The following PACRG variants were observed in gnomAD, a reference collection of about 807,000 sequenced individuals.
The protein encoded by PACRG is parkin coregulated gene protein.
PACRG carries 29 observed loss-of-function variants against 29.7 expected under a neutral mutation model. The observed-to-expected ratio is 0.98, with a 90% CI of 0.73 to 1.33. The LOEUF (loss-of-function observed/expected upper bound fraction) is 1.33. PACRG is among the 40% of genes most tolerant of loss of function. The pLI, the probability that PACRG is intolerant of heterozygous loss-of-function variation, is 0.00. For synonymous variants in PACRG, 116 were observed against 118.7 expected, an observed-to-expected ratio of 0.98 and a Z score of 0.15; for missense variants, 279 against 316.2, an observed-to-expected ratio of 0.88 and a Z score of 0.89.
At chr6:162,873,044 C>T (rs1199726163) in intron 2 of PACRG, among the ~76,000 whole-genome samples, 1 of 152,172 alleles carries the variant, frequency 6.6e-6, no homozygotes, top group African/African-American at 2.4e-5. Context: ...ATTTACAGTG[C>T]ACATGTAAGC....
At chr6:162,785,146 A>G (rs1171250800) in intron 1 of PACRG, among the ~76,000 whole-genome samples, 1 of 147,820 alleles carries the variant, frequency 6.8e-6, no homozygotes, top group African/African-American at 2.6e-5. Flanking sequence ...TACATTGACA[A>G]AGAAAGAGAG....
At chr6:163,228,378 GCAAAAAAAAA>G (rs1383570431) in intron 4 of PACRG, among the ~76,000 whole-genome samples, 1 of 29,324 alleles carries the variant, frequency 3.4e-5, no homozygotes. Context: ...CTTTAAGCAG[GCAAAAAAAAA>G]AAAAAAAAAA....
At chr6:163,168,558 A>AAATAACAAC (rs1554377020) in intron 4 of PACRG, among the ~76,000 whole-genome samples, 1 of 151,564 alleles carries the variant, frequency 6.6e-6, no homozygotes, top group African/African-American at 2.4e-5. Context: ...TATTCTAATA[A>AAATAACAAC]AACAACAACA....
At chr6:163,298,998 G>A (rs1284393359) in intron 4 of PACRG, among the ~76,000 whole-genome samples, 1 of 152,104 alleles carries the variant, frequency 6.6e-6, no homozygotes, top group Non-Finnish European at 1.5e-5. Flanking sequence ...TCCTTGCCAG[G>A]ACTTCTCACT....
intron 4 of PACRG, chr6:163,187,730 G>A (rs1176198689): frequency 6.6e-6 from 1 of 152,372 alleles, no homozygotes; most frequent in Admixed American, 6.5e-5. Flanking sequence ...CTTCTCTGGG[G>A]AGGAACCCCA....
At chr6:163,104,923 C>T (rs1815298644) in intron 4 of PACRG, among the ~76,000 whole-genome samples, 1 of 152,078 alleles carries the variant, frequency 6.6e-6, no homozygotes, top group Non-Finnish European at 1.5e-5. Flanking sequence ...TTCTCCTAGT[C>T]TTAACAATAA....
chr6:163,090,841 C>T (rs549592231), intron 4 of PACRG, among the ~76,000 whole-genome samples: 1 of 152,310 alleles, frequency 6.6e-6, no homozygotes, highest in Non-Finnish European at 1.5e-5. Flanking sequence ...GGAACAGCCA[C>T]CCCCAAATGT....
At chr6:162,793,250 C>G (rs546596017) in intron 1 of PACRG, among the ~76,000 whole-genome samples, 1 of 152,288 alleles carries the variant, frequency 6.6e-6, no homozygotes, top group East Asian at 1.9e-4. Flanking sequence ...TGAACATTCT[C>G]ATAAACATAA....
At chr6:163,017,154 A>G (rs1806187286) in intron 2 of PACRG, among the ~76,000 whole-genome samples, 1 of 152,164 alleles carries the variant, frequency 6.6e-6, no homozygotes, top group South Asian at 2.1e-4. Flanking sequence ...AATAAGATGG[A>G]AAACATTGTA....
chr6:163,294,708 G>T (rs571886931), intron 4 of PACRG, among the ~76,000 whole-genome samples: 2 of 152,130 alleles, frequency 1.3e-5, no homozygotes, highest in Admixed American at 6.5e-5. Context: ...TAATTTCACA[G>T]ATAACTTGAA....
intron 4 of PACRG, among the ~76,000 whole-genome samples, chr6:163,167,346 C>T (rs1176241389): frequency 1.3e-5 from 2 of 152,102 alleles, no homozygotes; most frequent in African/African-American, 2.4e-5. Context: ...GCAGTTTGAT[C>T]GCCTCCAGAA....
At chr6:163,307,600 A>C (rs1378139650) in intron 4 of PACRG, among the ~76,000 whole-genome samples, 1 of 152,224 alleles carries the variant, frequency 6.6e-6, no homozygotes, top group Non-Finnish European at 1.5e-5. Flanking sequence ...TCGGTTTCCA[A>C]GAGAACATGA....
At chr6:163,178,243 G>C (rs114281779) in intron 4 of PACRG, among the ~76,000 whole-genome samples, 2 of 152,148 alleles carry the variant, frequency 1.3e-5, no homozygotes, top group Non-Finnish European at 2.9e-5. Flanking sequence ...TCATGAGCAC[G>C]CCCCATGCAA....
chr6:163,257,644 C>A (rs1157724071), intron 4 of PACRG, among the ~76,000 whole-genome samples: 1 of 152,170 alleles, frequency 6.6e-6, no homozygotes, highest in Non-Finnish European at 1.5e-5. Context: ...TTGCTTGAGA[C>A]AATATTTTCC....
Position 163,232,518 on chromosome 6 carries a change from G to A in PACRG, c.614-82309G>A, listed in dbSNP as rs141391888. On this transcript the variant is annotated intron_variant, in intron 4 of 4. Coordinates refer to ENST00000366888, the MANE Select transcript of PACRG (RefSeq NM_001080379.2). ...GAAGAAGGCAGTGCAGTAAGGGAAG[G>A]GAAAGGTGGGAAGGTGTGGAAATAA... Among the ~76,000 whole-genome samples, 618 of 152,300 alleles carry A rather than the reference G, an allele frequency of 4.1e-3. 2 individuals carry two copies. The highest frequency in any genetic ancestry group is 0.014 in the African/African-American group (586 of 41,572).
intron 4 of PACRG, among the ~76,000 whole-genome samples, chr6:163,173,407 C>T (rs892844876): frequency 6.6e-6 from 1 of 152,184 alleles, no homozygotes; most frequent in Non-Finnish European, 1.5e-5. Flanking sequence ...AGACCTTCCA[C>T]ACCTGATCTC....
At chr6:163,087,676 G>A (rs1304636477) in intron 3 of PACRG, among the ~76,000 whole-genome samples, 2 of 150,782 alleles carry the variant, frequency 1.3e-5, no homozygotes, top group African/African-American at 2.4e-5. Context: ...TGAGGATGGA[G>A]GCCAGGACCA....
At position 162,865,302 on chromosome 6, in the gene PACRG, T is replaced by C. The variant is rs117631937; in HGVS notation, c.291+51021T>C. Among the ~76,000 whole-genome samples the C allele has an allele frequency of 1.1e-3, 162 of 152,328 alleles. 2 individuals carry two copies. The East Asian group carries it at 0.027, about 25-fold the overall frequency. On this transcript the variant is annotated intron_variant, in intron 2 of 4. Coordinates refer to ENST00000366888, the MANE Select transcript of PACRG (RefSeq NM_001080379.2). ...TAAAATTAAGAAGTTTAATTATTAA[T>C]GTATATGAGTATGTTGAGAAAATGA...
chr6:162,736,524 C>T (rs550129671), intron 1 of PACRG, among the ~76,000 whole-genome samples: 2 of 152,074 alleles, frequency 1.3e-5, no homozygotes, highest in South Asian at 4.2e-4. Context: ...GGTCTGAGTC[C>T]AGGAAAGTTT....
Sources: allele counts gnomAD v4.1 joint callset (sites outside exome capture counted in the v4.1 genomes callset), GRCh38; gene constraint gnomAD v4.1.1; transcripts MANE v1.5; gene names NCBI Gene and HGNC (gene_info 2026-07-23, HGNC 2026-07-21).